The following ENOX2 variants were observed in gnomAD, a reference collection of about 807,000 sequenced individuals.
ENOX2 encodes APK1 antigen.
ENOX2 carries 36 observed loss-of-function variants against 45.0 expected under a neutral mutation model. That is an observed-to-expected ratio of 0.80 (90% CI 0.61 to 1.06). The LOEUF (loss-of-function observed/expected upper bound fraction) is 1.06. Among genes scored for constraint, ENOX2 ranks in the 50% least tolerant of loss-of-function variants. ENOX2 has a pLI of 0.00. For missense variants in ENOX2, 423 were observed against 462.5 expected, an observed-to-expected ratio of 0.91 and a Z score of 0.78; for synonymous variants, 174 against 152.3, an observed-to-expected ratio of 1.14 and a Z score of -1.05.
At position 130,632,989 on chromosome X, in the gene ENOX2, G is replaced by A. The variant is rs145878352; in HGVS notation, c.1420-1413C>T. On this transcript the variant is annotated intron_variant, in intron 12 of 14. Transcript: ENST00000394363. ...GTTTAACAGATTGGGGTTGATTTAAGATGTGAAAATATTCTGGGAAGTTTT... is the reference window on the plus strand; with the variant it reads ...GTTTAACAGATTGGGGTTGATTTAAAATGTGAAAATATTCTGGGAAGTTTT... 2.7e-5 allele frequency among the ~76,000 whole-genome samples: 3 copies of A among 112,201 alleles called. No homozygotes were observed. The Admixed American group carries it at 2.8e-4, about 11-fold the overall frequency.
intron 9 of ENOX2, among the ~76,000 whole-genome samples, chrX:130,662,690 C>T (rs2036723901): frequency 9.0e-6 from 1 of 110,997 alleles, no homozygotes. Context: ...TAAAAAAAAA[C>T]AAGGACAAAA....
chrX:130,636,552 G>A (rs762883336), intron 11 of ENOX2, among the ~76,000 whole-genome samples: 8 of 112,398 alleles, frequency 7.1e-5, no homozygotes, highest in Non-Finnish European at 1.5e-4. Context: ...CTTTTAAACT[G>A]TAGGATCACT....
Position 130,648,625 on chromosome X carries a change from T to C in ENOX2, c.1129+7956A>G, listed in dbSNP as rs752455456. 1.5e-4 allele frequency among the ~76,000 whole-genome samples: 17 copies of C among 110,984 alleles called. No individual in the cohort carries two copies. In the South Asian group the frequency reaches 4.2e-3, roughly 28 times the overall value. ...ATTTATTTTTCTTCAGCAAAATGCATATTGAAATTTTATCCCTAATGTGGT... is the reference window on the plus strand; with the variant it reads ...ATTTATTTTTCTTCAGCAAAATGCACATTGAAATTTTATCCCTAATGTGGT... On this transcript the variant is annotated intron_variant, in intron 10 of 14. Transcript: ENST00000394363.
intron 2 of ENOX2, among the ~76,000 whole-genome samples, chrX:130,846,667 G>C (rs1469751263): frequency 8.9e-6 from 1 of 112,584 alleles, no homozygotes; most frequent in Admixed American, 9.4e-5. Context: ...AGCTAACATT[G>C]TACATGCAAG....
intron 2 of ENOX2, among the ~76,000 whole-genome samples, chrX:130,846,302 T>TAA (rs1231101446): frequency 1.8e-5 from 2 of 110,559 alleles, no homozygotes; most frequent in Non-Finnish European, 3.8e-5. Context: ...AAAGCAAGAG[T>TAA]GCTTATGTGT....
chrX:130,769,177 C>A (rs776745125), intron 3 of ENOX2, among the ~76,000 whole-genome samples: 18 of 111,437 alleles, frequency 1.6e-4, no homozygotes, highest in African/African-American at 5.9e-4. Context: ...CCAATTATCA[C>A]CCCAGAACAT....
At chrX:130,881,673 G>A (rs1039117960) in intron 2 of ENOX2, among the ~76,000 whole-genome samples, 3 of 111,445 alleles carry the variant, frequency 2.7e-5, no homozygotes, top group Non-Finnish European at 3.8e-5. Context: ...AGCCCTTATC[G>A]CTATACAAAA....
chrX:130,655,907 A>G (rs1305841988), intron 10 of ENOX2, among the ~76,000 whole-genome samples: 7 of 112,046 alleles, frequency 6.2e-5, no homozygotes, highest in Non-Finnish European at 9.4e-5. Context: ...CAAAGTGCTG[A>G]GATTACAGGC....
In ENOX2 at chrX:130,726,891, G is replaced by C. The variant is rs191172737; in HGVS notation, c.-38-23637C>G. Among the ~76,000 whole-genome samples, 7 of 112,316 alleles carry C rather than the reference G, an allele frequency of 6.2e-5. No homozygotes were observed. In the Admixed American group the frequency reaches 6.6e-4, roughly 11 times the overall value. On this transcript the variant is annotated intron_variant, in intron 3 of 14. Transcript: ENST00000394363. Reference sequence around the variant, plus strand: ...GTGAGAATGAGTAACTAAGCTCTCTGACTCTTTCTCAAGAGGGCCCCTGGG... The same window carrying C: ...GTGAGAATGAGTAACTAAGCTCTCTCACTCTTTCTCAAGAGGGCCCCTGGG...
intron 2 of ENOX2, among the ~76,000 whole-genome samples, chrX:130,814,911 G>T (rs1479672120): frequency 8.9e-6 from 1 of 111,797 alleles, no homozygotes. Flanking sequence ...TGAATTGACA[G>T]AAGTAGGCTT....
At chrX:130,724,254 C>G (rs1331938257) in intron 3 of ENOX2, among the ~76,000 whole-genome samples, 1 of 112,389 alleles carries the variant, frequency 8.9e-6, no homozygotes, top group Non-Finnish European at 1.9e-5. Context: ...TTGATTCTGC[C>G]TATAAAAATG....
At chrX:130,645,914 C>G in intron 10 of ENOX2, 1 of 698,800 alleles carries the variant, frequency 1.4e-6, no homozygotes, top group Non-Finnish European at 2.3e-6. Flanking sequence ...TGTAGTTTAA[C>G]TTGGGCAATA....
At chrX:130,674,254 C>T (rs1401321185) in intron 6 of ENOX2, among the ~76,000 whole-genome samples, 1 of 109,187 alleles carries the variant, frequency 9.2e-6, no homozygotes, top group Non-Finnish European at 1.9e-5. Flanking sequence ...ACAATATACT[C>T]ATGTAACAAA....
chrX:130,796,916 A>C (rs1330463550), intron 2 of ENOX2, among the ~76,000 whole-genome samples: 4 of 112,243 alleles, frequency 3.6e-5, no homozygotes, highest in African/African-American at 1.3e-4. Flanking sequence ...CCTGGAGAAG[A>C]AGCACTCTAA....
At chrX:130,729,698 T>C (rs931674588) in intron 3 of ENOX2, among the ~76,000 whole-genome samples, 1 of 112,394 alleles carries the variant, frequency 8.9e-6, no homozygotes, top group African/African-American at 3.2e-5. Context: ...TATGAAGCAT[T>C]GGCTCACAAC....
intron 3 of ENOX2, among the ~76,000 whole-genome samples, chrX:130,765,060 A>G (rs1379530605): frequency 1.8e-5 from 2 of 111,264 alleles, no homozygotes; most frequent in Non-Finnish European, 3.8e-5. Context: ...ACTGTCATTT[A>G]CCCAGCCTTA....
rs2037519745 is a variant in ENOX2 at position 130,688,977 on chromosome X, T to C, written c.139A>G (p.Ile47Val). ...CCCAAACCAGGCATCATTGGAGTTATTGGTGGAATTCCAGTCATCATTCCA... is the reference window on the plus strand; with the variant it reads ...CCCAAACCAGGCATCATTGGAGTTACTGGTGGAATTCCAGTCATCATTCCA... ...ALGMMTGIPP[I>V]TPMMPGLGIV... The change falls in exon 5 of 15, where the codon ATA becomes GTA. Residue 47 changes from isoleucine to valine, a missense_variant. Ile to Val is a conservative substitution (Grantham distance 29). Around this residue, in one of 5 missense-constraint regions of ENOX2, gnomAD observed 261 missense variants for 306.8 expected, o/e 0.85. Coordinates refer to ENST00000394363, the MANE Select transcript of ENOX2 (RefSeq NM_006375.4). 2.5e-6 allele frequency: 3 copies of C among 1,206,794 alleles called. No homozygotes were observed. Among genetic ancestry groups the C allele is most frequent in the Non-Finnish European group, 3.4e-6 (3 of 891,546 alleles).
chrX:130,685,090 G>A (rs1448531555), intron 5 of ENOX2, among the ~76,000 whole-genome samples: 1 of 112,559 alleles, frequency 8.9e-6, no homozygotes, highest in Non-Finnish European at 1.9e-5. Flanking sequence ...AGACTTGAAA[G>A]AAGTGAGAGA....
At chrX:130,728,577 A>G in intron 3 of ENOX2, among the ~76,000 whole-genome samples, 1 of 111,064 alleles carries the variant, frequency 9.0e-6, no homozygotes, top group African/African-American at 3.3e-5. Context: ...TATTCTTTGT[A>G]GTTGTTTTTA....
Sources: allele counts gnomAD v4.1 joint callset (sites outside exome capture counted in the v4.1 genomes callset), GRCh38; gene constraint gnomAD v4.1.1; regional missense constraint gnomAD v4.1.1; transcripts MANE v1.5; gene names NCBI Gene and HGNC (gene_info 2026-07-23, HGNC 2026-07-21).